The following ZMAT4 variants were observed in gnomAD, a reference collection of about 807,000 sequenced individuals.
The protein encoded by ZMAT4 is zinc finger matrin-type protein 4.
In ZMAT4, 17 loss-of-function variants were observed where a neutral mutation model predicts 28.7. The observed-to-expected ratio is 0.59, with a 90% CI of 0.41 to 0.89. The LOEUF is 0.89. Ranked by LOEUF, ZMAT4 falls within the 40% of genes least tolerant of loss-of-function variation. The probability of loss-of-function intolerance (pLI) is 0.00; values close to 1 mark genes in which losing one functional copy is unlikely to be tolerated. For missense variants in ZMAT4, 240 were observed against 283.8 expected (o/e 0.85, Z 1.11); for synonymous variants, 117 against 109.2 (o/e 1.07, Z -0.44).
intron 3 of ZMAT4, among the ~76,000 whole-genome samples, chr8:40,704,825 A>G (rs186156968): frequency 5.4e-4 from 82 of 152,340 alleles, no homozygotes; most frequent in Non-Finnish European, 6.2e-4. Context: ...GAAAAGGCCA[A>G]TTGGCATAAA....
intron 6 of ZMAT4, among the ~76,000 whole-genome samples, chr8:40,562,619 A>G (rs2118474679): frequency 6.6e-6 from 1 of 152,168 alleles, no homozygotes; most frequent in South Asian, 2.1e-4. Context: ...GCACACTGGT[A>G]AGGAACTCCC....
chr8:40,779,916 G>T (rs888843409), intron 2 of ZMAT4, among the ~76,000 whole-genome samples: 1 of 152,144 alleles, frequency 6.6e-6, no homozygotes, highest in Non-Finnish European at 1.5e-5. Flanking sequence ...AGGCTGAGAG[G>T]TGTGGAGCAT....
chr8:40,796,330 A>G (rs1814598619), intron 2 of ZMAT4, among the ~76,000 whole-genome samples: 1 of 152,318 alleles, frequency 6.6e-6, no homozygotes, highest in African/African-American at 2.4e-5. Flanking sequence ...TTCCTTCCCA[A>G]TAAATGACCC....
intron 1 of ZMAT4, among the ~76,000 whole-genome samples, chr8:40,846,120 G>A (rs1474641517): frequency 1.3e-5 from 2 of 152,198 alleles, no homozygotes; most frequent in Non-Finnish European, 2.9e-5. Context: ...AGCCCCAGCT[G>A]AGACCGGGAG....
At chr8:40,739,324 A>G (rs1289297808) in intron 3 of ZMAT4, among the ~76,000 whole-genome samples, 1 of 152,200 alleles carries the variant, frequency 6.6e-6, no homozygotes, top group African/African-American at 2.4e-5. Context: ...TTTCCAGCTC[A>G]GGGATTCTTA....
chr8:40,774,423 T>C (rs915221572), intron 2 of ZMAT4, among the ~76,000 whole-genome samples: 6 of 152,100 alleles, frequency 3.9e-5, no homozygotes. Flanking sequence ...ATAATAGGCA[T>C]GTAAATTGAT....
chr8:40,634,148 T>C (rs1259542586), intron 5 of ZMAT4, among the ~76,000 whole-genome samples: 1 of 151,998 alleles, frequency 6.6e-6, no homozygotes, highest in Admixed American at 6.6e-5. Context: ...AAAAAAGTTA[T>C]GGAGAGGAGC....
intron 1 of ZMAT4, among the ~76,000 whole-genome samples, chr8:40,846,171 C>T (rs186061423): frequency 6.6e-6 from 1 of 152,156 alleles, no homozygotes; most frequent in African/African-American, 2.4e-5. Flanking sequence ...CGCACCACCC[C>T]CCTCCCTACC....
At chr8:40,589,608 T>G (rs1244154778) in intron 5 of ZMAT4, among the ~76,000 whole-genome samples, 6 of 152,182 alleles carry the variant, frequency 3.9e-5, no homozygotes, top group Admixed American at 3.9e-4. Context: ...ATAGGGTTTG[T>G]AGGAATTTGT....
chr8:40,651,182 T>C (rs371750315), intron 5 of ZMAT4, among the ~76,000 whole-genome samples: 1 of 151,960 alleles, frequency 6.6e-6, no homozygotes, highest in South Asian at 2.1e-4. Flanking sequence ...AAAACCCCAT[T>C]GTCTCAGCCC....
chr8:40,713,822 T>A (rs1334657915), intron 3 of ZMAT4, among the ~76,000 whole-genome samples: 6 of 145,948 alleles, frequency 4.1e-5, no homozygotes, highest in Non-Finnish European at 7.4e-5. Flanking sequence ...GGCAGGAGAA[T>A]CACTTGAACC....
chr8:40,700,652 A>C (rs1451508104), intron 3 of ZMAT4, among the ~76,000 whole-genome samples: 2 of 151,906 alleles, frequency 1.3e-5, no homozygotes, highest in Non-Finnish European at 2.9e-5. Context: ...TCGAACTCCT[A>C]GGCTCAAGCA....
chr8:40,812,910 G>A (rs576706840), intron 2 of ZMAT4, among the ~76,000 whole-genome samples: 3 of 149,296 alleles, frequency 2.0e-5, no homozygotes, highest in African/African-American at 7.4e-5. Flanking sequence ...TCCAGCCTGG[G>A]CGACAAGAGC....
chr8:40,615,916 C>G (rs920213412), intron 5 of ZMAT4, among the ~76,000 whole-genome samples: 6 of 152,076 alleles, frequency 3.9e-5, no homozygotes, highest in Admixed American at 3.9e-4. Flanking sequence ...AGCTTCTGCA[C>G]AGCAAAAGAA....
At chr8:40,735,070 A>G (rs1003798363) in intron 3 of ZMAT4, among the ~76,000 whole-genome samples, 1 of 152,218 alleles carries the variant, frequency 6.6e-6, no homozygotes, top group Admixed American at 6.5e-5. Context: ...AGCATGTGAC[A>G]GTTTGAATTG....
At chr8:40,817,113 G>A (rs1232313873) in intron 2 of ZMAT4, among the ~76,000 whole-genome samples, 1 of 152,104 alleles carries the variant, frequency 6.6e-6, no homozygotes, top group Non-Finnish European at 1.5e-5. Context: ...ACATGGGTAA[G>A]GAAGCATTAA....
At chr8:40,846,145 T>C (rs1038635530) in intron 1 of ZMAT4, among the ~76,000 whole-genome samples, 1 of 152,186 alleles carries the variant, frequency 6.6e-6, no homozygotes, top group Non-Finnish European at 1.5e-5. Context: ...CAACTATTTG[T>C]ACACCTTCTT....
At chr8:40,843,931 C>G (rs1338575817) in intron 1 of ZMAT4, among the ~76,000 whole-genome samples, 1 of 152,202 alleles carries the variant, frequency 6.6e-6, no homozygotes, top group African/African-American at 2.4e-5. Context: ...TCAGTCCCTT[C>G]TATCTTTCCC....
intron 5 of ZMAT4, among the ~76,000 whole-genome samples, chr8:40,671,150 AC>A (rs1808650059): frequency 6.6e-6 from 1 of 152,108 alleles, no homozygotes; most frequent in African/African-American, 2.4e-5. Context: ...TCCTATATGC[AC>A]TAAAATGGCT....
Sources: gnomAD v4.1 joint callset for allele counts (sites outside exome capture counted in the v4.1 genomes callset) on GRCh38, gnomAD v4.1.1 for gene constraint, MANE v1.5 for transcripts, NCBI Gene and HGNC (gene_info 2026-07-23, HGNC 2026-07-21) for gene names.